The following SOCS2 variants were observed in gnomAD, a reference collection of about 807,000 sequenced individuals.
The protein encoded by SOCS2 is CIS-2.
Under a neutral mutation model 18.6 loss-of-function variants are expected in SOCS2, and 10 were observed. The ratio of observed to expected loss-of-function variants is 0.54; its 90% confidence interval spans 0.33 to 0.91. SOCS2 has a LOEUF of 0.91. SOCS2 is among the 40% of genes least tolerant of loss of function. The pLI is 0.02. For synonymous variants in SOCS2, 104 were observed against 104.0 expected, an observed-to-expected ratio of 1.00 and a Z score of 0.00; for missense variants, 231 against 247.2, an observed-to-expected ratio of 0.93 and a Z score of 0.44.
downstream of SOCS2, among the ~76,000 whole-genome samples, chr12:93,585,045 G>C (rs1452904918): frequency 6.6e-6 from 1 of 152,152 alleles, no homozygotes; most frequent in East Asian, 1.9e-4. Flanking sequence ...TTACAGGTGT[G>C]AGCCATCACG....
At chr12:93,608,366 T>C in the SOCS2 span, among the ~76,000 whole-genome samples, 1 of 152,116 alleles carries the variant, frequency 6.6e-6, no homozygotes, top group African/African-American at 2.4e-5. Context: ...GATGAATGTA[T>C]ATAGGAGGGC....
the SOCS2 span, among the ~76,000 whole-genome samples, chr12:93,603,909 T>TTG: frequency 6.6e-6 from 1 of 152,214 alleles, no homozygotes; most frequent in East Asian, 1.9e-4. Flanking sequence ...ATGATTGGCA[T>TTG]GTATTATCAG....
At chr12:93,596,688 C>T in the SOCS2 span, among the ~76,000 whole-genome samples, 1 of 152,176 alleles carries the variant, frequency 6.6e-6, no homozygotes, top group Admixed American at 6.5e-5. Flanking sequence ...ATTAGCTGGG[C>T]GTGTTGGCCT....
At chr12:93,622,263 G>T in the SOCS2 span, among the ~76,000 whole-genome samples, 1 of 152,234 alleles carries the variant, frequency 6.6e-6, no homozygotes, top group Non-Finnish European at 1.5e-5. Context: ...TGGGGATGAT[G>T]TCAGTGGTGA....
chr12:93,603,904 T>A, the SOCS2 span, among the ~76,000 whole-genome samples: 15 of 152,306 alleles, frequency 9.8e-5, no homozygotes, highest in African/African-American at 3.4e-4. Context: ...CTGAGATGAT[T>A]GGCATGTATT....
At chr12:93,606,543 G>A in the SOCS2 span, among the ~76,000 whole-genome samples, 2 of 151,912 alleles carry the variant, frequency 1.3e-5, no homozygotes, top group Non-Finnish European at 2.9e-5. Flanking sequence ...TGGCCTCCTT[G>A]GGATTACCAT....
the SOCS2 span, among the ~76,000 whole-genome samples, chr12:93,617,993 G>A: frequency 6.6e-6 from 1 of 152,202 alleles, no homozygotes; most frequent in Admixed American, 6.5e-5. Flanking sequence ...GGGATCTGGT[G>A]GAAGATGATT....
the SOCS2 span, among the ~76,000 whole-genome samples, chr12:93,621,477 T>C: frequency 3.3e-5 from 5 of 152,130 alleles, no homozygotes; most frequent in African/African-American, 1.2e-4. Flanking sequence ...ACAAGGTTAC[T>C]TAACTTCTCT....
chr12:93,583,081 T>C (rs917158201), exon 2 of SOCS2: 2 of 151,948 alleles, frequency 1.3e-5, no homozygotes, highest in African/African-American at 4.8e-5. Context: ...TATGGATCTT[T>C]GAACATTACC....
At chr12:93,617,337 T>G in the SOCS2 span, among the ~76,000 whole-genome samples, 6 of 152,146 alleles carry the variant, frequency 3.9e-5, no homozygotes, top group East Asian at 9.7e-4. Flanking sequence ...TAAACTAGGG[T>G]GTGGGAGTAG....
chr12:93,583,378 T>C (rs554739577), exon 2 of SOCS2: 2 of 152,192 alleles, frequency 1.3e-5, no homozygotes, highest in Non-Finnish European at 2.9e-5. Flanking sequence ...TTGAGCTTTA[T>C]TTTCATCTGT....
At chr12:93,593,195 T>C in the SOCS2 span, among the ~76,000 whole-genome samples, 1 of 152,146 alleles carries the variant, frequency 6.6e-6, no homozygotes, top group Non-Finnish European at 1.5e-5. Flanking sequence ...GAGAGGGAAT[T>C]AGCTTTGCCT....
At chr12:93,584,769 C>CT (rs374035614), downstream of SOCS2, among the ~76,000 whole-genome samples, 908 of 148,884 alleles carry the variant, frequency 6.1e-3, 6 homozygotes, top group African/African-American at 7.4e-3. Context: ...TTCTTCCCTT[C>CT]TTTTTTTTTT....
chr12:93,613,777 G>A, the SOCS2 span, among the ~76,000 whole-genome samples: 1 of 152,108 alleles, frequency 6.6e-6, no homozygotes, highest in Non-Finnish European at 1.5e-5. Flanking sequence ...TTAAATATTG[G>A]TGGCAATAAT....
chr12:93,616,919 C>T, the SOCS2 span, among the ~76,000 whole-genome samples: 2 of 152,150 alleles, frequency 1.3e-5, no homozygotes, highest in Non-Finnish European at 2.9e-5. Flanking sequence ...CCTGGCAAAA[C>T]CAAAAGTCAA....
At chr12:93,612,335 T>C in the SOCS2 span, among the ~76,000 whole-genome samples, 1 of 152,124 alleles carries the variant, frequency 6.6e-6, no homozygotes. Flanking sequence ...ACCTGTCCTT[T>C]GGAGCACCAA....
At chr12:93,570,338 G>C (rs934910998), upstream of SOCS2, 2 of 152,676 alleles carry the variant, frequency 1.3e-5, no homozygotes, top group African/African-American at 4.8e-5. Flanking sequence ...CAGGGGGAGG[G>C]GACTAAGGAC....
At chr12:93,606,261 T>C in the SOCS2 span, among the ~76,000 whole-genome samples, 1 of 152,132 alleles carries the variant, frequency 6.6e-6, no homozygotes, top group Non-Finnish European at 1.5e-5. Context: ...GCCATAAAAA[T>C]TGGGGTTCTA....
chr12:93,590,558 A>G, the SOCS2 span, among the ~76,000 whole-genome samples: 2 of 151,964 alleles, frequency 1.3e-5, no homozygotes, highest in African/African-American at 4.8e-5. Flanking sequence ...GCACTTTGGG[A>G]GGCCGAAGTG....
Sources: gnomAD v4.1 joint callset for allele counts (sites outside exome capture counted in the v4.1 genomes callset) on GRCh38, gnomAD v4.1.1 for gene constraint, MANE v1.5 for transcripts, NCBI Gene and HGNC (gene_info 2026-07-23, HGNC 2026-07-21) for gene names.